CLCN3: variants seen among roughly 807,000 people sequenced by gnomAD.
The protein encoded by CLCN3 is Cl-/H+ antiporter 3, also known as H(+)/Cl(-) exchange transporter 3.
Under a neutral mutation model 83.4 loss-of-function variants are expected in CLCN3, and 16 were observed. That is an observed-to-expected ratio of 0.19 (90% CI 0.13 to 0.29). The LOEUF is 0.29. Ranked by LOEUF, CLCN3 falls within the 10% of genes least tolerant of loss-of-function variation. The probability of loss-of-function intolerance (pLI) is 1.00; values close to 1 mark genes in which losing one functional copy is unlikely to be tolerated. For synonymous variants in CLCN3, 322 were observed against 346.2 expected, an observed-to-expected ratio of 0.93 and a Z score of 0.78; for missense variants, 544 against 1,006.0, an observed-to-expected ratio of 0.54 and a Z score of 6.21.
chr4:169,639,079 GA>G (rs1326988212), intron 2 of CLCN3, among the ~76,000 whole-genome samples: 2 of 152,150 alleles, frequency 1.3e-5, no homozygotes, highest in Non-Finnish European at 2.9e-5. Context: ...GCCTAGTCTG[GA>G]GTGCGGTGGT....
intron 2 of CLCN3, among the ~76,000 whole-genome samples, chr4:169,653,507 G>C (rs947226324): frequency 1.3e-5 from 2 of 151,960 alleles, no homozygotes; most frequent in African/African-American, 2.4e-5. Flanking sequence ...CAGGCGTGGT[G>C]GTGGGCGCCT....
chr4:169,649,230 A>AG (rs1365053918), intron 2 of CLCN3, among the ~76,000 whole-genome samples: 5 of 152,270 alleles, frequency 3.3e-5, no homozygotes, highest in African/African-American at 1.2e-4. Context: ...AAATGTCTGG[A>AG]GTGCAGAGAA....
At chr4:169,697,920 C>G (rs1354386421) in intron 9 of CLCN3, among the ~76,000 whole-genome samples, 186 bp downstream of exon 9, 1 of 152,170 alleles carries the variant, frequency 6.6e-6, no homozygotes, top group Non-Finnish European at 1.5e-5. Flanking sequence ...TGCTATTTAA[C>G]AAATTACCCC....
At chr4:169,631,430 G>A (rs1397462109) in intron 1 of CLCN3, among the ~76,000 whole-genome samples, 1 of 152,036 alleles carries the variant, frequency 6.6e-6, no homozygotes, top group Non-Finnish European at 1.5e-5. Context: ...GGGACTACAG[G>A]CGCCCACCAC....
In CLCN3 at chr4:169,680,039, C is replaced by G. The variant is rs1731873892; in HGVS notation, c.161-11C>G. On this transcript the variant is annotated splice_polypyrimidine_tract_variant and intron_variant, in intron 2 of 12. Coordinates refer to ENST00000513761, the MANE Select transcript of CLCN3 (RefSeq NM_001829.4). ...CTAAAACATACTCATCTTTCCTTTT[C>G]TCTTCTGTAGGAACTCATTATACAA... is the stretch of plus-strand genomic sequence containing the variant. The G allele has an allele frequency of 1.9e-6, 3 of 1,605,108 alleles. No homozygotes were observed. The highest frequency in any genetic ancestry group is 2.6e-6 in the Non-Finnish European group (3 of 1,172,842).
Position 169,721,344 on chromosome 4 carries a change from TTC to T in CLCN3, c.*1355_*1356del, listed in dbSNP as rs1158293723. 1 of 152,206 alleles carries T rather than the reference TTC, an allele frequency of 6.6e-6. No homozygotes were observed. The highest frequency in any genetic ancestry group is 1.5e-5 in the Non-Finnish European group (1 of 68,028). 9.4% of individuals were successfully genotyped at this position (152,206 alleles called of 1,614,324 possible). A position where few individuals can be genotyped will look rare whatever the true frequency, so the allele number is the denominator to read the frequency against. ...ACAAAGGTTTAAAAAAAGGTTGTGG[TTC>T]TCTCTCTGTGATCCAGTGTGCACAT... On this transcript the variant is annotated 3_prime_UTR_variant, in exon 13 of 13. Coordinates refer to ENST00000513761, the MANE Select transcript of CLCN3 (RefSeq NM_001829.4).
intron 2 of CLCN3, among the ~76,000 whole-genome samples, chr4:169,668,828 G>A (rs1731352321): frequency 6.6e-6 from 1 of 151,864 alleles, no homozygotes; most frequent in East Asian, 1.9e-4. Context: ...AGAAACTATG[G>A]AATTATCCTA....
chr4:169,723,527 G>C lies in CLCN3; in HGVS notation c.*3530G>C, dbSNP rs1733701792. ...AAAAATTACGCTATTTGCATGAAAA[G>C]AGGTAAAACGATTTATTTACATGTC... On this transcript the variant is annotated 3_prime_UTR_variant, in exon 13 of 13. Coordinates refer to ENST00000513761, the MANE Select transcript of CLCN3 (RefSeq NM_001829.4). The C allele has an allele frequency of 6.6e-6, 1 of 150,896 alleles. No individual in the cohort carries two copies. Among genetic ancestry groups the C allele is most frequent in the South Asian group, 2.1e-4 (1 of 4,782 alleles). The allele number at this position is 150,896 out of a possible 1,614,324, so 9.3% of individuals were successfully genotyped here. A position where few individuals can be genotyped will look rare whatever the true frequency, so the allele number is the denominator to read the frequency against.
chr4:169,708,852 G>A lies in CLCN3; in HGVS notation c.2149+1586G>A, dbSNP rs189830334. On this transcript the variant is annotated intron_variant, in intron 11 of 12. Transcript: ENST00000513761. ...AAATGTTAGTCACATGACTTTCTAA[G>A]CACACCTTAAATGTTTTACCGTGTA... is the stretch of plus-strand genomic sequence containing the variant. Among the ~76,000 whole-genome samples the A allele has an allele frequency of 1.0e-3, 154 of 151,690 alleles. 1 individual carries two copies. Among genetic ancestry groups the A allele is most frequent in the African/African-American group, 3.6e-3 (150 of 41,382 alleles).
In CLCN3 at chr4:169,723,051, G is replaced by A. The variant is rs1319547768; in HGVS notation, c.*3054G>A. ...AGTTTTGGTTCACGAAGAATGCTTA[G>A]TTAATCTGTAATGTTGCCTAGAGCT... On this transcript the variant is annotated 3_prime_UTR_variant, in exon 13 of 13. Coordinates refer to ENST00000513761, the MANE Select transcript of CLCN3 (RefSeq NM_001829.4). 6.6e-6 allele frequency: 1 copy of A among 152,104 alleles called. No homozygotes were observed. Among genetic ancestry groups the A allele is most frequent in the African/African-American group, 2.4e-5 (1 of 41,408 alleles). The allele number at this position is 152,104 out of a possible 1,614,324, so 9.4% of individuals were successfully genotyped here. A position where few individuals can be genotyped will look rare whatever the true frequency, so the allele number is the denominator to read the frequency against.
chr4:169,679,894 G>A (rs1224481063), intron 2 of CLCN3, among the ~76,000 whole-genome samples, 156 bp from the exon 3 acceptor site: 11 of 121,540 alleles, frequency 9.1e-5, no homozygotes, highest in African/African-American at 3.1e-4. Flanking sequence ...AGTCGGAGAC[G>A]AGGGAGAGGG....
intron 5 of CLCN3, among the ~76,000 whole-genome samples, chr4:169,689,509 G>A (rs1732283569): frequency 6.6e-6 from 1 of 152,160 alleles, no homozygotes; most frequent in Non-Finnish European, 1.5e-5. Flanking sequence ...TAAGATCTGT[G>A]TAAAGTTACT....
At chr4:169,628,074 A>G (rs1773278172) in intron 1 of CLCN3, among the ~76,000 whole-genome samples, 1 of 152,222 alleles carries the variant, frequency 6.6e-6, no homozygotes, top group South Asian at 2.1e-4. Flanking sequence ...TTGGTACTGG[A>G]GCAATTAGAC....
At chr4:169,664,939 T>A (rs1731189810) in intron 2 of CLCN3, among the ~76,000 whole-genome samples, 1 of 152,216 alleles carries the variant, frequency 6.6e-6, no homozygotes, top group Admixed American at 6.5e-5. Context: ...AATTGAACTT[T>A]AAGGTTTTGT....
intron 2 of CLCN3, among the ~76,000 whole-genome samples, chr4:169,654,053 C>T (rs1342095067): frequency 6.6e-6 from 1 of 152,128 alleles, no homozygotes. Flanking sequence ...ATTTTTTACC[C>T]ACTCTTGTAC....
At chr4:169,654,356 G>A (rs1156550396) in intron 2 of CLCN3, among the ~76,000 whole-genome samples, 1 of 151,570 alleles carries the variant, frequency 6.6e-6, no homozygotes, top group Non-Finnish European at 1.5e-5. Context: ...GAATTGGTTT[G>A]CCTTTTTTGT....
At chr4:169,678,324 C>A (rs1454942381) in intron 2 of CLCN3, among the ~76,000 whole-genome samples, 2 of 152,180 alleles carry the variant, frequency 1.3e-5, no homozygotes, top group African/African-American at 2.4e-5. Flanking sequence ...GAGAACATGC[C>A]ATAATCTTTT....
chr4:169,707,339 C>A, intron 11 of CLCN3, 73 bp downstream of exon 11: 1 of 1,172,046 alleles, frequency 8.5e-7, no homozygotes, highest in Non-Finnish European at 1.2e-6. Flanking sequence ...TAAGCAGTAA[C>A]ATTTAATGGG....
At chr4:169,719,390 G>A (rs1490153271) in intron 12 of CLCN3, among the ~76,000 whole-genome samples, 1 of 152,238 alleles carries the variant, frequency 6.6e-6, no homozygotes, top group Admixed American at 6.5e-5. Flanking sequence ...CGGGGACCCA[G>A]GAGGCGGAGG....
Sources: allele counts gnomAD v4.1 joint callset (sites outside exome capture counted in the v4.1 genomes callset), GRCh38; gene constraint gnomAD v4.1.1; transcripts MANE v1.5; gene names NCBI Gene and HGNC (gene_info 2026-07-23, HGNC 2026-07-21).